Variants in PRKN observed in about 807,000 individuals in gnomAD.
PRKN encodes the protein E3 ubiquitin-protein ligase parkin.
A neutral mutation model predicts 59.5 loss-of-function variants in PRKN; 56 were observed. That is an observed-to-expected ratio of 0.94 (90% CI 0.76 to 1.18). The LOEUF (loss-of-function observed/expected upper bound fraction) is 1.18. Ranked by LOEUF, PRKN falls within the 50% of genes most tolerant of loss-of-function variation. The probability of loss-of-function intolerance (pLI) is 0.00; values close to 1 mark genes in which losing one functional copy is unlikely to be tolerated. For synonymous variants in PRKN, 250 were observed against 222.1 expected (o/e 1.13, Z -1.12); for missense variants, 657 against 596.4 (o/e 1.10, Z -1.06).
intron 2 of PRKN, among the ~76,000 whole-genome samples, chr6:162,416,007 A>C (rs1788613308): frequency 6.6e-6 from 1 of 152,130 alleles, no homozygotes; most frequent in African/African-American, 2.4e-5. Context: ...TCATTTAAAA[A>C]TTGTGATGTC....
chr6:162,192,345 T>C (rs771434172), intron 4 of PRKN, among the ~76,000 whole-genome samples: 4 of 151,550 alleles, frequency 2.6e-5, no homozygotes, highest in Non-Finnish European at 5.9e-5. Context: ...TATGTGAAAT[T>C]AGAAAAAGCA....
At chr6:161,895,503 C>T (rs1156572763) in intron 6 of PRKN, among the ~76,000 whole-genome samples, 1 of 133,296 alleles carries the variant, frequency 7.5e-6, no homozygotes. Context: ...AGTACGCCCA[C>T]CCCACCTGCC....
At chr6:162,010,304 T>TATACATA (rs1491232886) in intron 5 of PRKN, among the ~76,000 whole-genome samples, 1 of 127,260 alleles carries the variant, frequency 7.9e-6, no homozygotes, top group African/African-American at 3.0e-5. Flanking sequence ...ATATATTTAT[T>TATACATA]ATATATATTT....
intron 7 of PRKN, among the ~76,000 whole-genome samples, chr6:161,761,043 CT>C (rs1390158641): frequency 3.3e-5 from 5 of 152,186 alleles, no homozygotes; most frequent in Admixed American, 6.5e-5. Context: ...AGGCCAAATC[CT>C]ACCCAGAGAA....
intron 4 of PRKN, among the ~76,000 whole-genome samples, chr6:162,115,133 G>A (rs1039992760): frequency 1.3e-5 from 2 of 152,178 alleles, no homozygotes; most frequent in African/African-American, 4.8e-5. Flanking sequence ...AAGGAAATGT[G>A]GCACATATAC....
Position 161,502,791 on chromosome 6 carries a change from T to C in PRKN, c.1083+46063A>G, listed in dbSNP as rs192272103. 9.2e-5 allele frequency among the ~76,000 whole-genome samples: 14 copies of C among 152,240 alleles called. No homozygotes were observed. The highest frequency in any genetic ancestry group is 3.4e-4 in the African/African-American group (14 of 41,556). On this transcript the variant is annotated intron_variant, in intron 9 of 11. Transcript: ENST00000366898. The surrounding 1 kb of genome is among the most constrained non-coding windows in gnomAD (Gnocchi z 4.0). ...TGATCCATGCTCTACGGTGAATGTG[T>C]GGGAAGGACAGGTGTGGAATGGTTA...
intron 1 of PRKN, among the ~76,000 whole-genome samples, chr6:162,619,254 T>C (rs1480407332): frequency 6.6e-6 from 1 of 151,504 alleles, no homozygotes; most frequent in African/African-American, 2.4e-5. Flanking sequence ...GCGATTCTCC[T>C]GCCTCGGCCT....
chr6:161,744,764 AAGTTCAAGAAGGCACCTTCCACCAG>A (rs1353092924), intron 7 of PRKN, among the ~76,000 whole-genome samples: 1 of 152,192 alleles, frequency 6.6e-6, no homozygotes, highest in African/African-American at 2.4e-5. Flanking sequence ...AATGAAACAT[AAGTTCAAGAAGGCACCTTCCACCAG>A]AGATGCTGGC....
intron 8 of PRKN, among the ~76,000 whole-genome samples, chr6:161,564,832 A>G (rs1005776338): frequency 2.0e-5 from 3 of 152,056 alleles, no homozygotes; most frequent in African/African-American, 7.2e-5. Flanking sequence ...CAATTCCATG[A>G]CCTCAACTTC....
At position 161,352,726 on chromosome 6, in the gene PRKN, A is replaced by AGTGTGTGTGT. The variant is rs373703677; in HGVS notation, c.1286-2525_1286-2516dup. 1.0e-2 allele frequency among the ~76,000 whole-genome samples: 1,281 copies of AGTGTGTGTGT among 128,462 alleles called. 10 individuals carry two copies. The highest frequency in any genetic ancestry group is 0.027 in the African/African-American group (889 of 32,848). 84.3% of individuals were successfully genotyped at this position (128,462 alleles called of 152,430 possible). ...TATATAAACACAAATATGTATGAAG[A>AGTGTGTGTGT]GTGTGTGTGTGTGTGTGTGTGTGTG... On this transcript the variant is annotated intron_variant, in intron 11 of 11. Transcript: ENST00000366898. The surrounding 1 kb of genome is among the most constrained non-coding windows in gnomAD (Gnocchi z 5.8).
At chr6:162,122,196 C>A (rs1386381271) in intron 4 of PRKN, among the ~76,000 whole-genome samples, 1 of 152,120 alleles carries the variant, frequency 6.6e-6, no homozygotes, top group African/African-American at 2.4e-5. Flanking sequence ...CTCCTATTTA[C>A]CAGATGAATC....
At chr6:161,629,842 C>T (rs893640291) in intron 7 of PRKN, among the ~76,000 whole-genome samples, 9 of 152,218 alleles carry the variant, frequency 5.9e-5, no homozygotes, top group African/African-American at 2.2e-4. Flanking sequence ...TAGTGACCCA[C>T]ATCTTTGTGA....
chr6:162,428,782 C>T (rs904424930), intron 2 of PRKN, among the ~76,000 whole-genome samples: 4 of 152,158 alleles, frequency 2.6e-5, no homozygotes, highest in African/African-American at 9.7e-5. Flanking sequence ...CTAGACTAGC[C>T]TCCCAATTAG....
Position 161,498,549 on chromosome 6 carries a change from T to A in PRKN, c.1083+50305A>T, listed in dbSNP as rs1777838938. Reference sequence around the variant, plus strand: ...CAAATGCCTTGTTTGGCCAATGAAATGTGGGTGGCAATGACATGTGTAACT... The same window carrying A: ...CAAATGCCTTGTTTGGCCAATGAAAAGTGGGTGGCAATGACATGTGTAACT... On this transcript the variant is annotated intron_variant, in intron 9 of 11. Coordinates refer to ENST00000366898, the MANE Select transcript of PRKN (RefSeq NM_004562.3). The surrounding 1 kb of genome is among the most constrained non-coding windows in gnomAD (Gnocchi z 4.2). 6.6e-6 allele frequency among the ~76,000 whole-genome samples: 1 copy of A among 152,084 alleles called. No individual in the cohort carries two copies.
At chr6:161,633,613 C>T (rs1562571626) in intron 7 of PRKN, among the ~76,000 whole-genome samples, 1 of 152,228 alleles carries the variant, frequency 6.6e-6, no homozygotes, top group Non-Finnish European at 1.5e-5. Context: ...ATAGCTGGCA[C>T]AGTTAAAAGA....
intron 6 of PRKN, among the ~76,000 whole-genome samples, chr6:161,965,715 G>A (rs1312380956): frequency 6.6e-6 from 1 of 152,120 alleles, no homozygotes; most frequent in African/African-American, 2.4e-5. Context: ...GGTCGAGAAA[G>A]GTGGGACAAC....
intron 3 of PRKN, among the ~76,000 whole-genome samples, chr6:162,216,334 T>A (rs1777649861): frequency 6.6e-6 from 1 of 151,190 alleles, no homozygotes; most frequent in Admixed American, 6.6e-5. Context: ...ATCGAGATCA[T>A]CCTGGCTAAC....
chr6:162,403,279 T>G lies in PRKN; in HGVS notation c.171+40031A>C, dbSNP rs746226335. Among the ~76,000 whole-genome samples, 11 of 152,182 alleles carry G rather than the reference T, an allele frequency of 7.2e-5. No individual in the cohort carries two copies. The Middle Eastern group carries it at 0.01, about 141-fold the overall frequency. ...CTCCTGCCAGCGAATGCTTGCCCCC[T>G]TGGAGCTTTGGGCTTGCTGCTCCTT... On this transcript the variant is annotated intron_variant, in intron 2 of 11. Coordinates refer to ENST00000366898, the MANE Select transcript of PRKN (RefSeq NM_004562.3).
intron 6 of PRKN, among the ~76,000 whole-genome samples, chr6:161,918,916 C>T (rs1778677233): frequency 6.6e-6 from 1 of 152,114 alleles, no homozygotes. Flanking sequence ...ACCCCCGCTC[C>T]CCACCACCAC....
Sources: allele counts gnomAD v4.1 joint callset (sites outside exome capture counted in the v4.1 genomes callset), GRCh38; gene constraint gnomAD v4.1.1; non-coding constraint Gnocchi (gnomAD v3.1); transcripts MANE v1.5; gene names NCBI Gene and HGNC (gene_info 2026-07-23, HGNC 2026-07-21).